The following EDDM13 variants were observed in gnomAD, a reference collection of about 807,000 sequenced individuals.
EDDM13 encodes the protein epididymal protein 13.
Under a neutral mutation model 17.8 loss-of-function variants are expected in EDDM13, and 24 were observed. That is an observed-to-expected ratio of 1.35 (90% CI 0.98 to 1.90). The LOEUF (loss-of-function observed/expected upper bound fraction) is 1.90. EDDM13 is among the 40% of genes most tolerant of loss of function. The probability of loss-of-function intolerance (pLI) is 0.00; values close to 1 mark genes in which losing one functional copy is unlikely to be tolerated. For missense variants in EDDM13, 97 were observed against 100.8 expected, an observed-to-expected ratio of 0.96 and a Z score of 0.16; for synonymous variants, 31 against 37.5, an observed-to-expected ratio of 0.83 and a Z score of 0.63.
intron 13 of EDDM13, chr19:56,302,996 G>A (rs2040446649): frequency 2.5e-6 from 1 of 397,398 alleles, no homozygotes. Context: ...GCTAGTGCAG[G>A]AGGCAGTGGC....
intron 13 of EDDM13, 70 bp downstream of exon 13, chr19:56,302,165 A>G (rs2040279948): frequency 8.6e-7 from 1 of 1,157,832 alleles, no homozygotes; most frequent in East Asian, 3.2e-5. Context: ...GTGGGGGCAC[A>G]GAGGAAGCGA....
At chr19:56,305,340 C>T (rs897304540) in intron 14 of EDDM13, among the ~76,000 whole-genome samples, 14 of 152,208 alleles carry the variant, frequency 9.2e-5, no homozygotes, top group Non-Finnish European at 1.8e-4. Context: ...TCATACACTA[C>T]GTGGCCCTTT....
At position 56,272,841 on chromosome 19, in the gene EDDM13, A is replaced by T; in HGVS notation, c.7A>T (p.Arg3Ter). 1.0e-6 allele frequency: 1 copy of T among 985,042 alleles called. No individual in the cohort carries two copies. Among genetic ancestry groups the T allele is most frequent in the Non-Finnish European group, 1.2e-6 (1 of 829,598 alleles). 61.0% of individuals were successfully genotyped at this position (985,042 alleles called of 1,614,324 possible). A position where few individuals can be genotyped will look rare whatever the true frequency, so the allele number is the denominator to read the frequency against. ...CCCAAATCCCAGCCCCATCATGCAC[A>T]GATCAGAGCCATTTCTGAAAATGTC... MH[R>*]SEPFLKMSLL... is the part of the protein sequence containing the mutation. Residue 3 changes from arginine (R) to a stop codon, truncating the protein, a stop_gained, in exon 1 of 15, where the codon AGA becomes TGA. Coordinates refer to ENST00000649256, the MANE Select transcript of EDDM13 (RefSeq NM_001354658.2). LOFTEE classifies it high-confidence loss of function.
chr19:56,281,259 C>A (rs2038676400), intron 2 of EDDM13, among the ~76,000 whole-genome samples: 1 of 152,082 alleles, frequency 6.6e-6, no homozygotes, highest in Non-Finnish European at 1.5e-5. Flanking sequence ...GTTGGTCTTT[C>A]TGTCTCAGGG....
chr19:56,309,182 G>A (rs1568736936), intron 14 of EDDM13, among the ~76,000 whole-genome samples: 1 of 152,200 alleles, frequency 6.6e-6, no homozygotes, highest in Non-Finnish European at 1.5e-5. Context: ...ACTGTGCTGA[G>A]TGAAAGAAGC....
At chr19:56,294,566 C>T (rs1468795971) in intron 9 of EDDM13, among the ~76,000 whole-genome samples, 1 of 152,188 alleles carries the variant, frequency 6.6e-6, no homozygotes, top group Non-Finnish European at 1.5e-5. Context: ...TCTGCTGCCA[C>T]TCACTACTCA....
At chr19:56,280,936 G>C (rs2038648614) in intron 2 of EDDM13, among the ~76,000 whole-genome samples, 1 of 152,138 alleles carries the variant, frequency 6.6e-6, no homozygotes, top group Non-Finnish European at 1.5e-5. Flanking sequence ...AACAATGTGA[G>C]AGTTAGGGGC....
chr19:56,282,606 A>G (rs1261367708), intron 4 of EDDM13, 107 bp downstream of exon 4: 5 of 637,336 alleles, frequency 7.8e-6, no homozygotes, highest in Non-Finnish European at 9.8e-6. Context: ...GTCTGTTCAC[A>G]GCTTAGCTTC....
chr19:56,295,543 C>T (rs905626841), intron 9 of EDDM13, among the ~76,000 whole-genome samples: 1 of 151,900 alleles, frequency 6.6e-6, no homozygotes, highest in African/African-American at 2.4e-5. Context: ...TGCAGTGAGC[C>T]GAGATCGTCC....
chr19:56,303,055 G>A (rs2040450115), intron 13 of EDDM13: 1 of 395,242 alleles, frequency 2.5e-6, no homozygotes, highest in Non-Finnish European at 4.5e-6. Context: ...CCTTTCTGCA[G>A]GAGGTGACAC....
Position 56,302,102 on chromosome 19 carries a change from A to G in EDDM13, c.423+7A>G. On this transcript the variant is annotated splice_region_variant and intron_variant, in intron 13 of 14. Transcript: ENST00000649256. ...CTACAACAAAGGGGACTGGGTAAGAAGAAGGCAGCACGGAGGGGAGGAGTG... is the reference window on the plus strand; with the variant it reads ...CTACAACAAAGGGGACTGGGTAAGAGGAAGGCAGCACGGAGGGGAGGAGTG... 1.6e-6 allele frequency: 2 copies of G among 1,231,880 alleles called. No individual in the cohort carries two copies. The highest frequency in any genetic ancestry group is 2.0e-6 in the Non-Finnish European group (2 of 988,026). The allele number at this position is 1,231,880 out of a possible 1,614,324, so 76.3% of individuals were successfully genotyped here. A position where few individuals can be genotyped will look rare whatever the true frequency, so the allele number is the denominator to read the frequency against.
At chr19:56,277,961 T>C (rs1361444865) in intron 2 of EDDM13, among the ~76,000 whole-genome samples, 1 of 152,164 alleles carries the variant, frequency 6.6e-6, no homozygotes, top group Non-Finnish European at 1.5e-5. Context: ...AAATAAAATG[T>C]TTTAGTGAAA....
chr19:56,274,072 G>A (rs1052492070), intron 1 of EDDM13, among the ~76,000 whole-genome samples: 1 of 152,160 alleles, frequency 6.6e-6, no homozygotes, highest in Non-Finnish European at 1.5e-5. Flanking sequence ...GCTGGTGGTT[G>A]GGGATAGAGA....
intron 12 of EDDM13, among the ~76,000 whole-genome samples, chr19:56,300,962 GTGGGAGATGGA>G (rs2040187706): frequency 6.6e-6 from 1 of 152,170 alleles, no homozygotes; most frequent in Non-Finnish European, 1.5e-5. Flanking sequence ...TGGCACTCAT[GTGGGAGATGGA>G]TGAGAAAGAG....
chr19:56,276,422 T>A (rs990027420), intron 2 of EDDM13, among the ~76,000 whole-genome samples: 1 of 151,886 alleles, frequency 6.6e-6, no homozygotes, highest in Non-Finnish European at 1.5e-5. Context: ...TTGGCTTATG[T>A]TTAACACCAG....
At chr19:56,290,032 G>A (rs77480487) in intron 8 of EDDM13, among the ~76,000 whole-genome samples, 62 of 152,290 alleles carry the variant, frequency 4.1e-4, no homozygotes, top group African/African-American at 1.4e-3. Flanking sequence ...CAAGAGCACT[G>A]GTCAAATGGA....
intron 3 of EDDM13, 146 bp from the exon 4 acceptor site, chr19:56,282,345 C>A: frequency 3.7e-6 from 1 of 269,214 alleles, no homozygotes; most frequent in Non-Finnish European, 5.7e-6. Flanking sequence ...CATTCTGGTT[C>A]CCTAACCTAT....
In EDDM13 at chr19:56,276,812, C is replaced by T. The variant is rs866805059; in HGVS notation, c.103+703C>T. Among the ~76,000 whole-genome samples the T allele has an allele frequency of 7.2e-5, 11 of 152,212 alleles. 1 individual carries two copies. The highest frequency in any genetic ancestry group is 6.8e-3 in the Middle Eastern group (2 of 294). ...TCGGCCTCCCAAAGTGCTGGGATTACAGGTGTGAGCCACTGTGCCCGGCCA... is the reference window on the plus strand; with the variant it reads ...TCGGCCTCCCAAAGTGCTGGGATTATAGGTGTGAGCCACTGTGCCCGGCCA... On this transcript the variant is annotated intron_variant, in intron 2 of 14. Coordinates refer to ENST00000649256, the MANE Select transcript of EDDM13 (RefSeq NM_001354658.2).
chr19:56,309,631 C>G (rs2040905358), intron 14 of EDDM13, among the ~76,000 whole-genome samples: 1 of 152,222 alleles, frequency 6.6e-6, no homozygotes, highest in South Asian at 2.1e-4. Flanking sequence ...CACCCAGAAG[C>G]AAACCTTAAG....
Sources: gnomAD v4.1 joint callset for allele counts (sites outside exome capture counted in the v4.1 genomes callset) on GRCh38, gnomAD v4.1.1 for gene constraint, MANE v1.5 for transcripts, NCBI Gene and HGNC (gene_info 2026-07-23, HGNC 2026-07-21) for gene names.